The following JAK1 variants were observed in gnomAD, a reference collection of about 807,000 sequenced individuals.
JAK1 encodes Janus kinase 1, also known as tyrosine-protein kinase JAK1.
Under a neutral mutation model 136.6 loss-of-function variants are expected in JAK1, and 16 were observed. The ratio of observed to expected loss-of-function variants is 0.12; its 90% CI spans 0.08 to 0.18. JAK1 has a LOEUF of 0.18. JAK1 is among the 10% of genes least tolerant of loss of function. The pLI is 1.00. For missense variants in JAK1, 859 were observed against 1,450.1 expected (o/e 0.59, Z 6.62); for synonymous variants, 492 against 519.5 (o/e 0.95, Z 0.72).
chr1:64,960,556 T>C (rs1390537892), intron 1 of JAK1, among the ~76,000 whole-genome samples: 1 of 152,220 alleles, frequency 6.6e-6, no homozygotes, highest in East Asian at 1.9e-4. Flanking sequence ...CTTCAAGTTA[T>C]TACTATCTTC....
chr1:64,881,724 C>T lies in JAK1; in HGVS notation c.205+1553G>A, dbSNP rs186153816. Among the ~76,000 whole-genome samples, 344 of 152,254 alleles carry T rather than the reference C, an allele frequency of 2.3e-3. 1 individual carries two copies. The highest frequency in any genetic ancestry group is 7.9e-3 in the African/African-American group (327 of 41,534). ...AAGCCCAGAGTTATAGGAGGTCCAG[C>T]GACTGTGTCCATCCTCAGACTCACA... On this transcript the variant is annotated intron_variant, in intron 3 of 24. Coordinates refer to ENST00000342505, the MANE Select transcript of JAK1 (RefSeq NM_002227.4).
chr1:64,962,643 C>T (rs1646301805), intron 1 of JAK1, among the ~76,000 whole-genome samples: 1 of 152,192 alleles, frequency 6.6e-6, no homozygotes, highest in African/African-American at 2.4e-5. Context: ...GTTTGAAATC[C>T]CATGTAACCA....
intron 1 of JAK1, among the ~76,000 whole-genome samples, chr1:65,046,963 G>A (rs1647189855): frequency 6.7e-6 from 1 of 149,716 alleles, no homozygotes; most frequent in Admixed American, 6.6e-5. Context: ...ACAGGCTGAG[G>A]GAGGATCACT....
chr1:64,879,679 TGTCAGTG>T (rs1557659027), intron 3 of JAK1, among the ~76,000 whole-genome samples: 1 of 152,238 alleles, frequency 6.6e-6, no homozygotes, highest in Non-Finnish European at 1.5e-5. Flanking sequence ...AAGTGATTTT[TGTCAGTG>T]ATTAAAATCT....
intron 1 of JAK1, among the ~76,000 whole-genome samples, chr1:64,917,239 C>A (rs1475437912): frequency 6.6e-6 from 1 of 152,098 alleles, no homozygotes. Context: ...GCACCCAATG[C>A]CTGCAAAATT....
chr1:65,043,110 C>T (rs980792815), intron 2 of JAK1, among the ~76,000 whole-genome samples: 4 of 152,192 alleles, frequency 2.6e-5, no homozygotes, highest in African/African-American at 4.8e-5. Flanking sequence ...TCACTCAAAA[C>T]AGTGCATGAG....
chr1:64,906,612 T>C (rs1219332158), intron 1 of JAK1, among the ~76,000 whole-genome samples: 1 of 152,240 alleles, frequency 6.6e-6, no homozygotes, highest in African/African-American at 2.4e-5. Context: ...ACACTGCTAC[T>C]ACGCCATTCT....
rs1646599291 is a variant in JAK1 at position 64,986,320 on chromosome 1, T to A, written c.-78+58160A>T. 2.0e-5 allele frequency among the ~76,000 whole-genome samples: 3 copies of A among 152,258 alleles called. No homozygotes were observed. The East Asian group carries it at 5.8e-4, about 29-fold the overall frequency. On this transcript the variant is annotated intron_variant, in intron 2 of 25. Coordinates refer to the JAK1 transcript ENST00000671954. ...TAGGGTTTCAAGATGTTAGCCAGGC[T>A]GGTCTCGAACTCCTGACTTCAGGTG...
intron 1 of JAK1, among the ~76,000 whole-genome samples, chr1:64,940,390 C>T (rs553179762): frequency 8.0e-5 from 12 of 150,168 alleles, no homozygotes; most frequent in African/African-American, 2.9e-4. Flanking sequence ...AATCTCCACT[C>T]ACTGCAACCT....
intron 11 of JAK1, among the ~76,000 whole-genome samples, chr1:64,852,018 A>G (rs894234828): frequency 6.6e-6 from 1 of 152,172 alleles, no homozygotes; most frequent in Admixed American, 6.5e-5. Flanking sequence ...CTGGGAGACA[A>G]TGGCTGCTGA....
At chr1:64,896,322 G>A (rs1262094573) in intron 1 of JAK1, among the ~76,000 whole-genome samples, 2 of 152,178 alleles carry the variant, frequency 1.3e-5, no homozygotes, top group Admixed American at 1.3e-4. Flanking sequence ...AAACTATTTA[G>A]TGGCAATGCC....
chr1:64,952,824 CA>C (rs1390548434), intron 1 of JAK1, among the ~76,000 whole-genome samples: 1 of 152,214 alleles, frequency 6.6e-6, no homozygotes, highest in Non-Finnish European at 1.5e-5. Flanking sequence ...GGTACAAATA[CA>C]GACAAACACA....
intron 2 of JAK1, among the ~76,000 whole-genome samples, chr1:65,001,754 G>A (rs1039467320): frequency 6.6e-5 from 10 of 151,570 alleles, no homozygotes; most frequent in African/African-American, 2.4e-4. Flanking sequence ...GGCAGCAAGT[G>A]TTTGAGTGTG....
intron 5 of JAK1, 85 bp from the exon 6 acceptor site, chr1:64,869,559 A>C: frequency 1.9e-6 from 2 of 1,043,274 alleles, no homozygotes; most frequent in Non-Finnish European, 2.9e-6. Context: ...GGCCGCCTAG[A>C]AACGCAGCAC....
intron 10 of JAK1, among the ~76,000 whole-genome samples, chr1:64,856,061 TAGTA>T (rs1180139088): frequency 6.6e-6 from 1 of 152,166 alleles, no homozygotes; most frequent in Non-Finnish European, 1.5e-5. Flanking sequence ...TTGAAAAACT[TAGTA>T]AGCCCTTTAT....
At chr1:64,952,520 T>C (rs1310483482) in intron 1 of JAK1, among the ~76,000 whole-genome samples, 1 of 152,212 alleles carries the variant, frequency 6.6e-6, no homozygotes, top group Admixed American at 6.5e-5. Context: ...TTATGAGTCA[T>C]TATTAGAAAA....
chr1:64,920,801 T>C (rs1256792627), intron 1 of JAK1, among the ~76,000 whole-genome samples: 3 of 152,214 alleles, frequency 2.0e-5, no homozygotes, highest in South Asian at 2.1e-4. Context: ...TGAAGGCCAA[T>C]AGGGTTATAG....
intron 2 of JAK1, among the ~76,000 whole-genome samples, chr1:65,037,489 A>G (rs1005894099): frequency 2.0e-5 from 3 of 152,176 alleles, no homozygotes; most frequent in African/African-American, 7.2e-5. Context: ...AATCCCCTTT[A>G]TTAAAATATT....
chr1:64,880,567 A>G (rs922133312), intron 3 of JAK1, among the ~76,000 whole-genome samples: 1 of 152,238 alleles, frequency 6.6e-6, no homozygotes, highest in Non-Finnish European at 1.5e-5. Context: ...CCATAAACAG[A>G]AAGATCAAAG....
Sources: gnomAD v4.1 joint callset for allele counts (sites outside exome capture counted in the v4.1 genomes callset) on GRCh38, gnomAD v4.1.1 for gene constraint, MANE v1.5 for transcripts, NCBI Gene and HGNC (gene_info 2026-07-23, HGNC 2026-07-21) for gene names.